The following WNK2 variants were observed in gnomAD, a reference collection of about 807,000 sequenced individuals.
WNK2 encodes serine/threonine-protein kinase WNK2.
WNK2 carries 67 observed loss-of-function variants against 192.1 expected under a neutral mutation model. The observed-to-expected ratio is 0.35, with a 90% confidence interval of 0.29 to 0.43. The LOEUF (loss-of-function observed/expected upper bound fraction) is 0.43, where lower values mean the gene tolerates loss of function less well. Ranked by LOEUF, WNK2 falls within the 20% of genes least tolerant of loss-of-function variation. The probability of loss-of-function intolerance (pLI) is 1.00; values close to 1 mark genes in which losing one functional copy is unlikely to be tolerated. For missense variants in WNK2, 2,698 were observed against 3,089.7 expected (o/e 0.87, Z 3.01); for synonymous variants, 1,439 against 1,393.9 (o/e 1.03, Z -0.72).
intron 28 of WNK2, among the ~76,000 whole-genome samples, chr9:93,314,890 CG>C (rs373134529): frequency 2.6e-5 from 4 of 151,614 alleles, no homozygotes; most frequent in Non-Finnish European, 4.4e-5. Context: ...GAGGCTTTCC[CG>C]GGGGGGGTTT....
Position 93,297,883 on chromosome 9 carries a change from C to G in WNK2, c.5739C>G (p.Ser1913Arg). The G allele has an allele frequency of 1.3e-6, 2 of 1,591,682 alleles. No homozygotes were observed. Among genetic ancestry groups the G allele is most frequent in the Non-Finnish European group, 1.7e-6 (2 of 1,170,396 alleles). The change falls in exon 24 of 30, where the codon AGC becomes AGG. Residue 1913 changes from serine (S) to arginine (R), a missense_variant. By Grantham distance (110) the Ser-to-Arg change is moderately radical (BLOSUM62 -1). Transcript: ENST00000427277. ...KHLKEISELQ[S>R]QQKQEIEALY... ...TGAAGGAGATCTCGGAGCTGCAGAG[C>G]CAGCAGAAGCAGGAGATCGAAGCTC...
chr9:93,195,198 T>C (rs1831025939), intron 2 of WNK2, among the ~76,000 whole-genome samples: 1 of 152,158 alleles, frequency 6.6e-6, no homozygotes, highest in East Asian at 1.9e-4. Flanking sequence ...CAAGTGTAAA[T>C]GTTGGATTTT....
chr9:93,219,788 C>T, intron 2 of WNK2, among the ~76,000 whole-genome samples: 1 of 151,642 alleles, frequency 6.6e-6, no homozygotes, highest in African/African-American at 2.4e-5. Context: ...CCCAGCTCCA[C>T]CTGTTGCCAC....
At chr9:93,319,297 G>C in intron 29 of WNK2, 1 of 1,462,862 alleles carries the variant, frequency 6.8e-7, no homozygotes, top group Non-Finnish European at 9.1e-7. Flanking sequence ...TTGGGAGCCA[G>C]TTCTGGGCTC....
In WNK2 at chr9:93,257,500, C is replaced by T. The variant is rs1843497490; in HGVS notation, c.2382+361C>T. ...GAGGGCGGGCAGCCCAGTACCCCAT[C>T]ACCTGGCACCCTCCCAGCAAGGTGC... is the stretch of plus-strand genomic sequence containing the variant. On this transcript the variant is annotated intron_variant, in intron 11 of 29. Coordinates refer to ENST00000427277, the MANE Select transcript of WNK2 (RefSeq NM_006648.4). The surrounding 1 kb of genome is among the most constrained non-coding windows in gnomAD (Gnocchi z 4.7). Among the ~76,000 whole-genome samples the T allele has an allele frequency of 6.6e-6, 1 of 152,214 alleles. No individual in the cohort carries two copies. Among genetic ancestry groups the T allele is most frequent in the East Asian group, 1.9e-4 (1 of 5,196 alleles).
rs370295806 is a variant in WNK2 at position 93,247,403 on chromosome 9, C to T, written c.1543-140C>T. The stretch of plus-strand genomic sequence containing the variant: ...CCATGCCATCTCTGAGCTGTCCCCG[C>T]GGATTTTACATTCAGTGGCAGTGGG... On this transcript the variant is annotated intron_variant, in intron 7 of 29. Coordinates refer to ENST00000427277, the MANE Select transcript of WNK2 (RefSeq NM_006648.4). The surrounding 1 kb of genome is among the most constrained non-coding windows in gnomAD (Gnocchi z 5.2). 88 of 1,053,874 alleles carry T rather than the reference C, an allele frequency of 8.4e-5. No homozygotes were observed. The East Asian group carries it at 8.4e-4, about 10-fold the overall frequency. 65.3% of individuals were successfully genotyped at this position (1,053,874 alleles called of 1,614,324 possible). A position where few individuals can be genotyped will look rare whatever the true frequency, so the allele number is the denominator to read the frequency against.
At chr9:93,190,588 C>T (rs10992671) in intron 2 of WNK2, among the ~76,000 whole-genome samples, 42,841 of 152,146 alleles carry the variant, frequency 0.28, 6,209 homozygotes, top group Middle Eastern at 0.34. Flanking sequence ...TTTTCTCATT[C>T]CTCGTCAGCA....
chr9:93,309,195 C>A, intron 28 of WNK2: 1 of 926,264 alleles, frequency 1.1e-6, no homozygotes, highest in Non-Finnish European at 1.3e-6. Context: ...TTTGTGAATC[C>A]ATCTGGGCTG....
At chr9:93,318,248 T>C in intron 29 of WNK2, 1 of 1,497,064 alleles carries the variant, frequency 6.7e-7, no homozygotes, top group Non-Finnish European at 8.9e-7. Context: ...GAGATGTGAA[T>C]GGTTTACAAA....
intron 2 of WNK2, among the ~76,000 whole-genome samples, chr9:93,200,363 C>T (rs1327270937): frequency 6.6e-6 from 1 of 152,188 alleles, no homozygotes; most frequent in African/African-American, 2.4e-5. Context: ...GGAGGGAGAC[C>T]CGAGGCTGTC....
At chr9:93,295,069 AGGAGCCCTGTGC>A (rs1850010965) in intron 23 of WNK2, among the ~76,000 whole-genome samples, 1 of 152,164 alleles carries the variant, frequency 6.6e-6, no homozygotes, top group Non-Finnish European at 1.5e-5. Context: ...CTAGGGCTCC[AGGAGCCCTGTGC>A]TGAGCCCAGC....
At position 93,229,361 on chromosome 9, in the gene WNK2, C is replaced by T. The variant is rs1016262046; in HGVS notation, c.682-335C>T. On this transcript the variant is annotated intron_variant, in intron 2 of 29. Coordinates refer to ENST00000427277, the MANE Select transcript of WNK2 (RefSeq NM_006648.4). This position sits in a 1 kb window ranked among gnomAD's most constrained non-coding sequence, Gnocchi z 4.9. ...ATGATCCATTCTTTTCACAAACACA[C>T]AGAAAGTGAGTGATTGTGGAGGAGG... Among the ~76,000 whole-genome samples, 2 of 152,238 alleles carry T rather than the reference C, an allele frequency of 1.3e-5. No homozygotes were observed. The highest frequency in any genetic ancestry group is 2.9e-5 in the Non-Finnish European group (2 of 68,052).
chr9:93,319,354 C>G, intron 29 of WNK2: 1 of 1,375,188 alleles, frequency 7.3e-7, no homozygotes, highest in Non-Finnish European at 9.4e-7. Flanking sequence ...GCTGCGGGTG[C>G]TGGGCTGGGC....
chr9:93,255,407 G>A (rs543500231), intron 9 of WNK2, among the ~76,000 whole-genome samples: 278 of 152,306 alleles, frequency 1.8e-3, no homozygotes, highest in Admixed American at 6.4e-3. Context: ...GTAGACGGAT[G>A]GTCCGGCCCA....
intron 1 of WNK2, 21 bp from the exon 2 acceptor site, chr9:93,184,907 C>A: frequency 8.4e-7 from 1 of 1,184,506 alleles, no homozygotes; most frequent in Non-Finnish European, 1.0e-6. Flanking sequence ...TCACGCGGGC[C>A]TGTGTGTCCT....
chr9:93,279,247 A>G (rs978728844), intron 19 of WNK2, among the ~76,000 whole-genome samples: 27 of 152,378 alleles, frequency 1.8e-4, no homozygotes, highest in Admixed American at 1.8e-3. Flanking sequence ...ACTAGAATCA[A>G]TAAGTGAGCT....
chr9:93,207,834 C>G (rs1312106601), intron 2 of WNK2, among the ~76,000 whole-genome samples: 1 of 151,932 alleles, frequency 6.6e-6, no homozygotes. Context: ...TTGGGAAATA[C>G]AGGAAAGGAA....
intron 2 of WNK2, among the ~76,000 whole-genome samples, chr9:93,194,275 C>T (rs1035695514): frequency 1.3e-5 from 2 of 152,182 alleles, no homozygotes; most frequent in Non-Finnish European, 2.9e-5. Flanking sequence ...AATGAGAAGA[C>T]AGGCCACAGC....
intron 25 of WNK2, 73 bp downstream of exon 25, chr9:93,299,334 C>T (rs1048089023): frequency 7.3e-5 from 108 of 1,479,310 alleles, no homozygotes; most frequent in Non-Finnish European, 9.4e-5. Context: ...CAGGAGCACG[C>T]CCGTGTTGTG....
Sources: allele counts gnomAD v4.1 joint callset (sites outside exome capture counted in the v4.1 genomes callset), GRCh38; gene constraint gnomAD v4.1.1; non-coding constraint Gnocchi (gnomAD v3.1); transcripts MANE v1.5; gene names NCBI Gene and HGNC (gene_info 2026-07-23, HGNC 2026-07-21).